Variants in HPSE2 observed in about 807,000 individuals in gnomAD.
HPSE2 encodes the protein inactive heparanase-2.
Under a neutral mutation model 60.5 loss-of-function variants are expected in HPSE2, and 38 were observed. The observed-to-expected ratio is 0.63, with a 90% CI of 0.48 to 0.82. The LOEUF (loss-of-function observed/expected upper bound fraction) is 0.82, where lower values mean the gene tolerates loss of function less well. HPSE2 is among the 40% of genes least tolerant of loss of function. The pLI, the probability that HPSE2 is intolerant of heterozygous loss-of-function variation, is 0.00. For missense variants in HPSE2, 713 were observed against 740.4 expected (o/e 0.96, Z 0.43); for synonymous variants, 295 against 293.2 (o/e 1.01, Z -0.06).
intron 7 of HPSE2, 55 bp downstream of exon 7, chr10:98,641,792 T>G: frequency 7.4e-7 from 1 of 1,348,622 alleles, no homozygotes; most frequent in South Asian, 1.2e-5. Context: ...TTGTGTCTTT[T>G]TCCTTGTCTT....
intron 3 of HPSE2, among the ~76,000 whole-genome samples, chr10:99,137,727 T>C (rs181443216): frequency 1.3e-5 from 2 of 152,280 alleles, no homozygotes; most frequent in Non-Finnish European, 2.9e-5. Context: ...TTACACCTTA[T>C]ACAAAAATCA....
chr10:99,142,995 CAT>C (rs1845916973), intron 3 of HPSE2, among the ~76,000 whole-genome samples: 1 of 152,090 alleles, frequency 6.6e-6, no homozygotes, highest in South Asian at 2.1e-4. Flanking sequence ...TGCACAAATA[CAT>C]ATGAGGTTGA....
intron 3 of HPSE2, among the ~76,000 whole-genome samples, chr10:99,094,759 G>A (rs1390840818): frequency 1.3e-5 from 2 of 151,094 alleles, no homozygotes; most frequent in East Asian, 3.9e-4. Flanking sequence ...GTTTCACCGT[G>A]TTGGCCAGGC....
At chr10:99,280,709 TGTGA>T in the HPSE2 span, among the ~76,000 whole-genome samples, 2 of 152,220 alleles carry the variant, frequency 1.3e-5, no homozygotes, top group Non-Finnish European at 2.9e-5. Context: ...TATGATTAAC[TGTGA>T]GTATGTCTGT....
chr10:98,715,006 T>C (rs1948758563), intron 5 of HPSE2, among the ~76,000 whole-genome samples: 1 of 151,930 alleles, frequency 6.6e-6, no homozygotes, highest in African/African-American at 2.4e-5. Flanking sequence ...CTCATATCCT[T>C]TCTGTCCATA....
At chr10:98,474,575 T>C (rs1275873523) in intron 11 of HPSE2, among the ~76,000 whole-genome samples, 2 of 152,154 alleles carry the variant, frequency 1.3e-5, no homozygotes, top group Non-Finnish European at 2.9e-5. Context: ...GATATAGGTT[T>C]TAATGAGGGT....
rs377738658 is a variant in HPSE2 at position 99,192,432 on chromosome 10, A to G, written c.448+39916T>C. On this transcript the variant is annotated intron_variant, in intron 2 of 11. Coordinates refer to ENST00000370552, the MANE Select transcript of HPSE2 (RefSeq NM_021828.5). ...CTCAGTGGAAATCGTATGGGCCAGGAAAGAGTAGCATGACTTTTTTTTTAG... is the reference window on the plus strand; with the variant it reads ...CTCAGTGGAAATCGTATGGGCCAGGGAAGAGTAGCATGACTTTTTTTTTAG... Among the ~76,000 whole-genome samples, 42 of 152,118 alleles carry G rather than the reference A, an allele frequency of 2.8e-4. 1 individual carries two copies. The highest frequency in any genetic ancestry group is 2.9e-5 in the Non-Finnish European group (2 of 68,004).
rs550952735 is a variant in HPSE2, at chr10:98,509,210, A to G, written c.1321-19014T>C. On this transcript the variant is annotated intron_variant, in intron 9 of 11. Coordinates refer to ENST00000370552, the MANE Select transcript of HPSE2 (RefSeq NM_021828.5). ...GCACCTGTAGTCCCAGACACTTGGG[A>G]GGCTGAGGCAGGAGAATCACTTGAA... Among the ~76,000 whole-genome samples the G allele has an allele frequency of 9.9e-5, 15 of 152,134 alleles. No homozygotes were observed. The South Asian group carries it at 3.1e-3, about 32-fold the overall frequency.
intron 7 of HPSE2, among the ~76,000 whole-genome samples, chr10:98,635,784 G>GAAA (rs71009705): frequency 6.2e-5 from 8 of 129,774 alleles, no homozygotes; most frequent in Non-Finnish European, 1.1e-4. Flanking sequence ...CCCATCTCAT[G>GAAA]AAAAAAAAAA....
chr10:99,227,089 T>C (rs2133941139), intron 2 of HPSE2, among the ~76,000 whole-genome samples: 2 of 152,176 alleles, frequency 1.3e-5, no homozygotes, highest in Middle Eastern at 6.8e-3. Flanking sequence ...TGTGCTGTTC[T>C]TACACCATAA....
At chr10:98,792,025 A>G (rs1051582542) in intron 3 of HPSE2, among the ~76,000 whole-genome samples, 2 of 152,314 alleles carry the variant, frequency 1.3e-5, no homozygotes, top group African/African-American at 4.8e-5. Context: ...TCTCCCGAAC[A>G]GCATGGGAAA....
intron 4 of HPSE2, among the ~76,000 whole-genome samples, chr10:98,739,448 T>TA (rs975170740): frequency 5.1e-4 from 70 of 136,294 alleles, no homozygotes; most frequent in African/African-American, 7.3e-4. Context: ...TCTGCACATG[T>TA]AAAAAAAAAA....
intron 3 of HPSE2, among the ~76,000 whole-genome samples, chr10:98,978,864 C>T (rs1261631669): frequency 1.3e-5 from 2 of 152,146 alleles, no homozygotes; most frequent in Non-Finnish European, 1.5e-5. Context: ...TCAGTATCCT[C>T]GACACTTGGT....
chr10:98,657,074 T>C (rs952453464), intron 6 of HPSE2, among the ~76,000 whole-genome samples: 1 of 152,108 alleles, frequency 6.6e-6, no homozygotes, highest in Non-Finnish European at 1.5e-5. Context: ...GATGGGCATT[T>C]TTTAGAGTAC....
intron 3 of HPSE2, among the ~76,000 whole-genome samples, chr10:98,849,706 G>A (rs1323716468): frequency 6.6e-6 from 1 of 152,072 alleles, no homozygotes; most frequent in Non-Finnish European, 1.5e-5. Context: ...ATTTGTAATT[G>A]GCTATAAAAT....
intron 3 of HPSE2, among the ~76,000 whole-genome samples, chr10:98,796,288 G>A (rs1022630525): frequency 6.6e-6 from 1 of 152,066 alleles, no homozygotes; most frequent in Admixed American, 6.6e-5. Flanking sequence ...TCAGAGAGGA[G>A]CTCACTTCCC....
intron 2 of HPSE2, among the ~76,000 whole-genome samples, chr10:99,148,921 G>A (rs970236572): frequency 4.6e-5 from 7 of 152,006 alleles, no homozygotes; most frequent in South Asian, 2.1e-4. Context: ...TTGGAACAGT[G>A]TATACTGCTT....
chr10:99,242,184 C>T, the HPSE2 span, among the ~76,000 whole-genome samples: 1 of 152,208 alleles, frequency 6.6e-6, no homozygotes, highest in Non-Finnish European at 1.5e-5. Context: ...GATGACAACA[C>T]TTTCTCCATA....
chr10:99,154,579 C>A (rs942647985), intron 2 of HPSE2, among the ~76,000 whole-genome samples: 5 of 151,380 alleles, frequency 3.3e-5, no homozygotes, highest in Non-Finnish European at 5.9e-5. Flanking sequence ...ACCAGGCCTG[C>A]CCTAAAACAG....
Sources: allele counts gnomAD v4.1 joint callset (sites outside exome capture counted in the v4.1 genomes callset), GRCh38; gene constraint gnomAD v4.1.1; transcripts MANE v1.5; gene names NCBI Gene and HGNC (gene_info 2026-07-23, HGNC 2026-07-21).